Variants in NEBL observed in about 807,000 individuals in gnomAD.
The protein encoded by NEBL is nebulette, also known as LIM and SH3 protein 2.
A neutral mutation model predicts 140.2 loss-of-function variants in NEBL; 122 were observed. That is an observed-to-expected ratio of 0.87 (90% CI 0.75 to 1.01). The LOEUF (loss-of-function observed/expected upper bound fraction) is 1.01, where lower values mean the gene tolerates loss of function less well. Among genes scored for constraint, NEBL ranks in the 50% least tolerant of loss-of-function variants. NEBL has a pLI of 0.00. For missense variants in NEBL, 1,365 were observed against 1,231.3 expected, an observed-to-expected ratio of 1.11 and a Z score of -1.62; for synonymous variants, 436 against 398.9, an observed-to-expected ratio of 1.09 and a Z score of -1.11.
intron 1 of NEBL, among the ~76,000 whole-genome samples, chr10:21,265,392 G>A (rs187306031): frequency 3.9e-5 from 6 of 152,262 alleles, no homozygotes; most frequent in Admixed American, 1.3e-4. Flanking sequence ...TTACTCTCAC[G>A]CTGCAAAACC....
chr10:20,941,730 T>C (rs924143271), intron 4 of NEBL, among the ~76,000 whole-genome samples: 2 of 152,092 alleles, frequency 1.3e-5, no homozygotes, highest in East Asian at 3.9e-4. Context: ...AATAGGCAAC[T>C]TCAGCAAAGT....
At chr10:21,093,217 T>C (rs1470856491) in intron 2 of NEBL, among the ~76,000 whole-genome samples, 1 of 149,192 alleles carries the variant, frequency 6.7e-6, no homozygotes, top group East Asian at 2.0e-4. Flanking sequence ...ATCTTTTCAC[T>C]TGGCTGTTTC....
At chr10:21,087,498 C>A (rs1213873601) in intron 2 of NEBL, among the ~76,000 whole-genome samples, 1 of 152,128 alleles carries the variant, frequency 6.6e-6, no homozygotes, top group African/African-American at 2.4e-5. Flanking sequence ...TTTCTCTTCT[C>A]CCAGTTTTTA....
chr10:20,878,845 CTCAA>C (rs1337790847), intron 5 of NEBL, among the ~76,000 whole-genome samples: 1 of 152,146 alleles, frequency 6.6e-6, no homozygotes, highest in Non-Finnish European at 1.5e-5. Context: ...CCCTCAATCC[CTCAA>C]TCAAAGACCT....
chr10:21,196,437 C>T (rs139462821), intron 3 of NEBL, among the ~76,000 whole-genome samples: 1,840 of 151,734 alleles, frequency 0.012, 32 homozygotes, highest in African/African-American at 0.042. Context: ...CTCTGCCTTC[C>T]GGGTTCAAGA....
chr10:21,041,940 A>G (rs1834286418), intron 2 of NEBL, among the ~76,000 whole-genome samples: 4 of 152,196 alleles, frequency 2.6e-5, no homozygotes, highest in Admixed American at 2.6e-4. Context: ...AATGCATTAT[A>G]ATTGGCATAC....
chr10:21,263,313 T>C (rs946155028), intron 1 of NEBL, among the ~76,000 whole-genome samples: 1 of 152,014 alleles, frequency 6.6e-6, no homozygotes, highest in African/African-American at 2.4e-5. Flanking sequence ...AGCCAGCAAA[T>C]TGAGAAGATG....
chr10:21,182,700 C>A (rs1454566558), intron 3 of NEBL, among the ~76,000 whole-genome samples: 2 of 152,068 alleles, frequency 1.3e-5, no homozygotes, highest in South Asian at 2.1e-4. Flanking sequence ...TAATGAGAGC[C>A]GCAAATGTGA....
chr10:21,080,525 T>A (rs1159926877), intron 2 of NEBL, among the ~76,000 whole-genome samples: 2 of 152,244 alleles, frequency 1.3e-5, no homozygotes, highest in Admixed American at 6.5e-5. Flanking sequence ...CAATATGAAG[T>A]TAGCCTTGGA....
intron 3 of NEBL, among the ~76,000 whole-genome samples, chr10:21,203,197 TAGA>T (rs1841770539): frequency 6.6e-6 from 1 of 152,186 alleles, no homozygotes; most frequent in Admixed American, 6.5e-5. Flanking sequence ...CTTGATGAGA[TAGA>T]AGAACACGAC....
At chr10:20,941,114 C>T (rs1219711702) in intron 4 of NEBL, among the ~76,000 whole-genome samples, 3 of 152,172 alleles carry the variant, frequency 2.0e-5, no homozygotes, top group Admixed American at 6.5e-5. Context: ...GATACCAAAG[C>T]CTGGCAGAGA....
chr10:20,966,176 A>G (rs1010458276), intron 3 of NEBL, among the ~76,000 whole-genome samples: 2 of 152,258 alleles, frequency 1.3e-5, no homozygotes, highest in South Asian at 2.1e-4. Context: ...GAAATTCTAT[A>G]TATGTCATAT....
intron 2 of NEBL, among the ~76,000 whole-genome samples, chr10:21,104,317 T>A (rs1338617674): frequency 6.6e-6 from 1 of 152,204 alleles, no homozygotes. Flanking sequence ...ATAGATCAAT[T>A]TGGGGAGAAC....
At chr10:20,790,978 T>C (rs1338251759) in intron 26 of NEBL, among the ~76,000 whole-genome samples, 3 of 152,222 alleles carry the variant, frequency 2.0e-5, no homozygotes, top group Admixed American at 6.5e-5. Flanking sequence ...AAACTAGTCA[T>C]CAGATACCAT....
At chr10:20,892,676 C>T (rs150841195) in intron 2 of NEBL, among the ~76,000 whole-genome samples, 2 of 152,176 alleles carry the variant, frequency 1.3e-5, no homozygotes, top group Non-Finnish European at 1.5e-5. Context: ...ACAAATCCCA[C>T]GTCTCCATTA....
chr10:20,831,208 T>A lies in NEBL; in HGVS notation c.1659A>T (p.Glu553Asp), dbSNP rs779426326. The change falls in exon 16 of 28, where the codon GAA becomes GAT. Residue 553 changes from glutamate to aspartate, a missense_variant. This residue lies in a region of NEBL where 1,323 missense variants were observed against 1,154.8 expected (regional missense o/e 1.15). Coordinates refer to ENST00000377122, the MANE Select transcript of NEBL (RefSeq NM_006393.3). ...ATTCATGACCAACCTGGCTATAGAT[T>A]TCAGATGTCCTCTTGGCTCGAAGGA... Reference protein sequence around the residue: ...PDILRAKRTSEIYSQRKYKDE... With the variant: ...PDILRAKRTSDIYSQRKYKDE... 1.3e-5 allele frequency: 21 copies of A among 1,611,552 alleles called. No individual in the cohort carries two copies. Among genetic ancestry groups the A allele is most frequent in the Admixed American group, 1.0e-4 (6 of 59,948 alleles).
At chr10:21,029,677 C>G (rs1833696488) in intron 2 of NEBL, 1 of 1,143,432 alleles carries the variant, frequency 8.7e-7, no homozygotes, top group Non-Finnish European at 1.3e-6. Flanking sequence ...GTATCGAGAT[C>G]GTTATGATTC....
chr10:21,227,662 C>CTTCTTCTTCTTCTTT (rs1564545915), intron 3 of NEBL, among the ~76,000 whole-genome samples: 1 of 78,444 alleles, frequency 1.3e-5, no homozygotes, highest in East Asian at 3.6e-4. Flanking sequence ...GTTTCTTCTT[C>CTTCTTCTTCTTCTTT]TTCTTCTTCT....
intron 2 of NEBL, among the ~76,000 whole-genome samples, chr10:21,169,067 A>AAAAATATATATATATATAT (rs1554830679): frequency 4.3e-5 from 1 of 23,070 alleles, no homozygotes; most frequent in Non-Finnish European, 8.7e-5. Context: ...AAAAAAAAAA[A>AAAAATATATATATATATAT]ATATATATAT....
Sources: gnomAD v4.1 joint callset for allele counts (sites outside exome capture counted in the v4.1 genomes callset) on GRCh38, gnomAD v4.1.1 for gene constraint, gnomAD v4.1.1 regional missense constraint, MANE v1.5 for transcripts, NCBI Gene and HGNC (gene_info 2026-07-23, HGNC 2026-07-21) for gene names.